The following CSMD3 variants were observed in gnomAD, a reference collection of about 807,000 sequenced individuals.
The protein encoded by CSMD3 is CUB and sushi domain-containing protein 3.
A neutral mutation model predicts 435.2 loss-of-function variants in CSMD3; 177 were observed. The ratio of observed to expected loss-of-function variants is 0.41; its 90% confidence interval spans 0.36 to 0.46. The LOEUF is 0.46. CSMD3 is among the 20% of genes least tolerant of loss of function. The probability of loss-of-function intolerance (pLI) is 0.34; values close to 1 mark genes in which losing one functional copy is unlikely to be tolerated. For synonymous variants in CSMD3, 1,656 were observed against 1,520.5 expected, an observed-to-expected ratio of 1.09 and a Z score of -2.07; for missense variants, 4,265 against 4,504.6, an observed-to-expected ratio of 0.95 and a Z score of 1.52.
intron 45 of CSMD3, among the ~76,000 whole-genome samples, chr8:112,331,566 T>C (rs1260364645): frequency 4.9e-5 from 1 of 20,382 alleles, no homozygotes; most frequent in African/African-American, 1.7e-3. Flanking sequence ...AAACATACAT[T>C]TTTTTCCCTC....
intron 3 of CSMD3, among the ~76,000 whole-genome samples, chr8:113,245,764 A>AGTAAC (rs1195012073): frequency 6.6e-6 from 1 of 151,972 alleles, no homozygotes; most frequent in Non-Finnish European, 1.5e-5. Context: ...GTCTAATGTC[A>AGTAAC]TTTCCTTTCA....
intron 3 of CSMD3, among the ~76,000 whole-genome samples, chr8:113,275,660 A>G (rs769262606): frequency 4.6e-5 from 7 of 152,008 alleles, no homozygotes; most frequent in Admixed American, 1.3e-4. Context: ...AAATAAAAAG[A>G]AATGAGATTT....
At chr8:112,960,634 A>T (rs143504982) in intron 7 of CSMD3, among the ~76,000 whole-genome samples, 86 of 151,902 alleles carry the variant, frequency 5.7e-4, no homozygotes, top group African/African-American at 2.0e-3. Flanking sequence ...AGCAATGGCC[A>T]TAATTTGATG....
intron 13 of CSMD3, 140 bp from the exon 14 acceptor site, chr8:112,690,190 T>C (rs1411723967): frequency 4.5e-6 from 3 of 670,900 alleles, no homozygotes; most frequent in East Asian, 2.7e-5. Context: ...TCTTTTTTTT[T>C]TTGGCCATTC....
At chr8:112,801,424 G>A (rs906236543) in intron 12 of CSMD3, among the ~76,000 whole-genome samples, 2 of 151,936 alleles carry the variant, frequency 1.3e-5, no homozygotes, top group Admixed American at 6.6e-5. Context: ...ATGGGAATTT[G>A]TCACAAAGAA....
chr8:112,570,371 A>C (rs563082494), intron 24 of CSMD3, among the ~76,000 whole-genome samples: 1 of 152,350 alleles, frequency 6.6e-6, no homozygotes, highest in Admixed American at 6.5e-5. Flanking sequence ...ATGCAATGTG[A>C]TAACGGTTAT....
In CSMD3 at chr8:112,705,860, T is replaced by C. The variant is rs193061181; in HGVS notation, c.1973-15810A>G. Among the ~76,000 whole-genome samples, 386 of 152,208 alleles carry C rather than the reference T, an allele frequency of 2.5e-3. 3 individuals carry two copies. Among genetic ancestry groups the C allele is most frequent in the African/African-American group, 8.8e-3 (365 of 41,560 alleles). ...GCATTTCTTATATATTCTGACTTAC[T>C]GGGTATATTATAGTTTAGACTATTA... On this transcript the variant is annotated intron_variant, in intron 13 of 70. Coordinates refer to ENST00000297405, the MANE Select transcript of CSMD3 (RefSeq NM_198123.2).
chr8:113,156,777 T>TAAATAAATACAA (rs1554792436), intron 4 of CSMD3, among the ~76,000 whole-genome samples: 29 of 144,514 alleles, frequency 2.0e-4, no homozygotes, highest in African/African-American at 7.0e-4. Flanking sequence ...AATAAATAAA[T>TAAATAAATACAA]AAAGTTAGCC....
chr8:112,777,369 C>A (rs1322732434), intron 13 of CSMD3, among the ~76,000 whole-genome samples: 1 of 151,746 alleles, frequency 6.6e-6, no homozygotes, highest in African/African-American at 2.4e-5. Flanking sequence ...TTGTATAAGG[C>A]ATTTTCATCC....
rs1815318175 is a variant in CSMD3 at position 112,252,087 on chromosome 8, G to C, written c.10110+2166C>G. On this transcript the variant is annotated intron_variant, in intron 63 of 70. Coordinates refer to ENST00000297405, the MANE Select transcript of CSMD3 (RefSeq NM_198123.2). ...AGAGTGAACAAATGAACACATTAAAGAGAAAATTAAGAAAATGATCTGAGT... is the reference window on the plus strand; with the variant it reads ...AGAGTGAACAAATGAACACATTAAACAGAAAATTAAGAAAATGATCTGAGT... 2.0e-5 allele frequency among the ~76,000 whole-genome samples: 3 copies of C among 151,886 alleles called. No homozygotes were observed. In the South Asian group the frequency reaches 6.2e-4, roughly 31 times the overall value.
intron 31 of CSMD3, among the ~76,000 whole-genome samples, chr8:112,486,736 C>A (rs1301296617): frequency 6.6e-6 from 1 of 152,116 alleles, no homozygotes; most frequent in Non-Finnish European, 1.5e-5. Context: ...CCACCCTGAT[C>A]TCTCTTCACA....
chr8:112,328,810 C>T (rs554403859), intron 45 of CSMD3, among the ~76,000 whole-genome samples: 7 of 152,236 alleles, frequency 4.6e-5, no homozygotes, highest in Admixed American at 1.3e-4. Flanking sequence ...ACATTTAAAA[C>T]GTGCCTGCTT....
chr8:112,388,923 A>AC (rs1830184352), intron 36 of CSMD3, among the ~76,000 whole-genome samples: 1 of 152,112 alleles, frequency 6.6e-6, no homozygotes, highest in South Asian at 2.1e-4. Context: ...GCAAGAGGAG[A>AC]CCATGTAGTA....
In CSMD3 at chr8:113,195,839, A is replaced by C. The variant is rs558536770; in HGVS notation, c.515-21923T>G. ...TACACACACACACACACACACACAC[A>C]CCCCCACACACACATGCATATATAG... On this transcript the variant is annotated intron_variant, in intron 3 of 70. Transcript: ENST00000297405. Among the ~76,000 whole-genome samples, 543 of 144,550 alleles carry C rather than the reference A, an allele frequency of 3.8e-3. 5 individuals are homozygous for C. The highest frequency in any genetic ancestry group is 0.011 in the Middle Eastern group (3 of 278). The allele number at this position is 144,550 out of a possible 152,430, so 94.8% of individuals were successfully genotyped here.
intron 59 of CSMD3, among the ~76,000 whole-genome samples, chr8:112,278,470 C>G (rs1432915002): frequency 4.6e-5 from 7 of 152,146 alleles, no homozygotes; most frequent in Non-Finnish European, 1.5e-5. Context: ...TTAGACTTAT[C>G]TGTGTGTCTT....
chr8:113,365,893 G>C (rs1037122098), intron 1 of CSMD3, among the ~76,000 whole-genome samples: 6 of 151,896 alleles, frequency 4.0e-5, no homozygotes, highest in Non-Finnish European at 7.4e-5. Flanking sequence ...AATTTTTCAA[G>C]TTGAATGCAA....
chr8:112,626,252 T>C (rs1341102576), intron 22 of CSMD3, among the ~76,000 whole-genome samples: 1 of 152,140 alleles, frequency 6.6e-6, no homozygotes, highest in African/African-American at 2.4e-5. Context: ...AGCCCACCCC[T>C]GTTGATGCCA....
intron 44 of CSMD3, 34 bp downstream of exon 44, chr8:112,336,618 A>T: frequency 6.8e-7 from 1 of 1,478,926 alleles, no homozygotes; most frequent in Non-Finnish European, 9.5e-7. Flanking sequence ...TGTGTATATA[A>T]TTGAATAAAT....
intron 18 of CSMD3, among the ~76,000 whole-genome samples, chr8:112,652,863 C>T (rs575977110): frequency 1.3e-5 from 2 of 152,142 alleles, no homozygotes; most frequent in South Asian, 2.1e-4. Flanking sequence ...GGCTGGAATG[C>T]AGTGGCTAAT....
Sources: allele counts gnomAD v4.1 joint callset (sites outside exome capture counted in the v4.1 genomes callset), GRCh38; gene constraint gnomAD v4.1.1; transcripts MANE v1.5; gene names NCBI Gene and HGNC (gene_info 2026-07-23, HGNC 2026-07-21).